USP32: variants seen among roughly 807,000 people sequenced by gnomAD.
USP32 encodes the protein ubiquitin specific peptidase 32.
In USP32, 59 loss-of-function variants were observed where a neutral mutation model predicts 204.8. The ratio of observed to expected loss-of-function variants is 0.29; its 90% CI spans 0.23 to 0.36. The LOEUF (loss-of-function observed/expected upper bound fraction) is 0.36. USP32 is among the 10% of genes least tolerant of loss of function. The pLI, the probability that USP32 is intolerant of heterozygous loss-of-function variation, is 1.00. For synonymous variants in USP32, 517 were observed against 678.4 expected (o/e 0.76, Z 3.70); for missense variants, 1,160 against 1,946.4 (o/e 0.60, Z 7.60).
At chr17:60,349,833 A>G (rs900745235) in intron 1 of USP32, among the ~76,000 whole-genome samples, 9 of 150,394 alleles carry the variant, frequency 6.0e-5, no homozygotes, top group Non-Finnish European at 8.9e-5. Flanking sequence ...ATACATTTAG[A>G]ATATCATACA....
At chr17:60,221,127 C>T (rs1459144022) in intron 15 of USP32, among the ~76,000 whole-genome samples, 13 of 152,028 alleles carry the variant, frequency 8.6e-5, no homozygotes, top group Non-Finnish European at 4.4e-5. Context: ...GGTGCAGTGG[C>T]TCATGCCTGT....
chr17:60,224,814 AG>A (rs2085342126), intron 13 of USP32, among the ~76,000 whole-genome samples: 1 of 152,134 alleles, frequency 6.6e-6, no homozygotes, highest in East Asian at 1.9e-4. Flanking sequence ...CAATAGGGTA[AG>A]ATTGAGGGTT....
chr17:60,344,350 G>A (rs1238272288), intron 2 of USP32, among the ~76,000 whole-genome samples: 3 of 152,122 alleles, frequency 2.0e-5, no homozygotes, highest in Admixed American at 6.5e-5. Context: ...GGCTGGTCTC[G>A]AATTCCTGAC....
At chr17:60,262,159 T>C (rs1324710926) in intron 9 of USP32, among the ~76,000 whole-genome samples, 1 of 152,134 alleles carries the variant, frequency 6.6e-6, no homozygotes, top group African/African-American at 2.4e-5. Flanking sequence ...TCACTGACTA[T>C]ATGGCTTATT....
At chr17:60,245,349 T>C (rs1380075192) in intron 11 of USP32, 8 of 386,082 alleles carry the variant, frequency 2.1e-5, no homozygotes, top group Middle Eastern at 9.1e-4. Context: ...GCTGGGCTGC[T>C]CTTTCCACAA....
At position 60,178,965 on chromosome 17, in the gene USP32, A is replaced by T. The variant is rs536878043; in HGVS notation, c.*290T>A. ...TATTTGTTCATATCTGGACAAGCACAATTGAATTCTTATTTGGTCCCAGGT... is the reference window on the plus strand; with the variant it reads ...TATTTGTTCATATCTGGACAAGCACTATTGAATTCTTATTTGGTCCCAGGT... On this transcript the variant is annotated 3_prime_UTR_variant, in exon 34 of 34. Coordinates refer to ENST00000300896, the MANE Select transcript of USP32 (RefSeq NM_032582.4). The T allele has an allele frequency of 1.8e-5, 6 of 332,838 alleles. No homozygotes were observed. Among genetic ancestry groups the T allele is most frequent in the African/African-American group, 1.3e-4 (6 of 47,780 alleles). 20.6% of individuals were successfully genotyped at this position (332,838 alleles called of 1,614,324 possible).
At chr17:60,391,780 C>A (rs561465913) in intron 1 of USP32, 102 bp downstream of exon 1, 38 of 1,319,928 alleles carry the variant, frequency 2.9e-5, no homozygotes, top group Non-Finnish European at 3.8e-5. Flanking sequence ...CCGCCTCAGG[C>A]GCCCCACGCC....
exon 1 of USP32, chr17:60,422,385 AG>A: frequency 7.7e-7 from 1 of 1,304,920 alleles, no homozygotes; most frequent in Non-Finnish European, 1.0e-6. Context: ...TCCCAGCTGG[AG>A]GGGCCAGCTG....
chr17:60,246,142 T>C (rs749512665), intron 11 of USP32, among the ~76,000 whole-genome samples: 177 of 152,054 alleles, frequency 1.2e-3, no homozygotes, highest in Non-Finnish European at 2.3e-3. Flanking sequence ...ACTGTATTTT[T>C]ACAGTCATTA....
At chr17:60,274,641 A>G (rs568130375) in intron 5 of USP32, among the ~76,000 whole-genome samples, 11 of 152,320 alleles carry the variant, frequency 7.2e-5, no homozygotes, top group African/African-American at 2.4e-4. Context: ...AAAATTGTCA[A>G]CCTCCAATTC....
intron 9 of USP32, among the ~76,000 whole-genome samples, chr17:60,261,182 C>T (rs1351132925): frequency 2.0e-5 from 3 of 152,128 alleles, no homozygotes; most frequent in Non-Finnish European, 4.4e-5. Flanking sequence ...TGATTCTGCA[C>T]TGATGACAAA....
At chr17:60,241,013 T>A (rs1052363858) in intron 11 of USP32, among the ~76,000 whole-genome samples, 34 of 152,184 alleles carry the variant, frequency 2.2e-4, no homozygotes, top group Non-Finnish European at 3.2e-4. Flanking sequence ...TTGTTTTGTT[T>A]TTGAGACAGA....
intron 30 of USP32, 47 bp downstream of exon 30, chr17:60,185,413 C>G: frequency 6.7e-7 from 1 of 1,501,124 alleles, no homozygotes; most frequent in Non-Finnish European, 9.0e-7. Flanking sequence ...TGTCTTCTTT[C>G]TTTTATGCCA....
chr17:60,286,839 T>A lies in USP32; in HGVS notation c.571+1684A>T, dbSNP rs116837619. ...GGAACTAAAGACTCAATGCTCACCATCCTTCTTTGTTCTAAATTTCTTCCC... is the reference window on the plus strand; with the variant it reads ...GGAACTAAAGACTCAATGCTCACCAACCTTCTTTGTTCTAAATTTCTTCCC... On this transcript the variant is annotated intron_variant, in intron 5 of 33. Coordinates refer to ENST00000300896, the MANE Select transcript of USP32 (RefSeq NM_032582.4). 9.5e-3 allele frequency among the ~76,000 whole-genome samples: 1,440 copies of A among 152,240 alleles called. 33 individuals are homozygous for A. Among genetic ancestry groups the A allele is most frequent in the African/African-American group, 0.033 (1,385 of 41,526 alleles).
At chr17:60,385,699 G>A (rs185490703) in intron 1 of USP32, among the ~76,000 whole-genome samples, 53 of 151,674 alleles carry the variant, frequency 3.5e-4, no homozygotes, top group African/African-American at 9.2e-4. Context: ...AAAATGAGCC[G>A]GGCATGGTGG....
chr17:60,178,258 T>C lies in USP32; in HGVS notation c.*997A>G, dbSNP rs1205438524. The stretch of plus-strand genomic sequence containing the variant: ...ATCAAATACACACAAGCAAGTTCAT[T>C]TGCATGTGTTCTCTCTTTTTTAAAG... On this transcript the variant is annotated 3_prime_UTR_variant, in exon 34 of 34. Coordinates refer to ENST00000300896, the MANE Select transcript of USP32 (RefSeq NM_032582.4). Among the ~76,000 whole-genome samples, 4 of 152,196 alleles carry C rather than the reference T, an allele frequency of 2.6e-5. No homozygotes were observed. The highest frequency in any genetic ancestry group is 5.9e-5 in the Non-Finnish European group (4 of 68,038).
At chr17:60,360,716 T>C (rs2089189176) in intron 1 of USP32, among the ~76,000 whole-genome samples, 1 of 151,914 alleles carries the variant, frequency 6.6e-6, no homozygotes. Flanking sequence ...ACAAAATACA[T>C]GCAGAAGTAG....
Position 60,422,306 on chromosome 17 carries a change from TG to T in USP32, c.45del (p.Arg16GlyfsTer15). ...TGGGAGAAGGGGCGCCAGCCTCTCC[TG>T]GCCTGCTGTGCGCTCTGCCAAAGTC... On this transcript the variant is annotated frameshift_variant, in exon 1 of 4. Transcript: ENST00000588898. LOFTEE classifies it high-confidence loss of function. 1.8e-6 allele frequency: 1 copy of T among 541,970 alleles called. No homozygotes were observed. Among genetic ancestry groups the T allele is most frequent in the Non-Finnish European group, 3.0e-6 (1 of 333,874 alleles). 33.6% of individuals were successfully genotyped at this position (541,970 alleles called of 1,614,324 possible). A position where few individuals can be genotyped will look rare whatever the true frequency, so the allele number is the denominator to read the frequency against.
chr17:60,281,475 T>C (rs142358232), intron 5 of USP32, among the ~76,000 whole-genome samples: 1 of 151,720 alleles, frequency 6.6e-6, no homozygotes, highest in African/African-American at 2.4e-5. Flanking sequence ...AGGATGGAGG[T>C]TGCAGTGAGC....
Sources: allele counts gnomAD v4.1 joint callset (sites outside exome capture counted in the v4.1 genomes callset), GRCh38; gene constraint gnomAD v4.1.1; transcripts MANE v1.5; gene names NCBI Gene and HGNC (gene_info 2026-07-23, HGNC 2026-07-21).